The following LOXL1 variants were observed in gnomAD, a reference collection of about 807,000 sequenced individuals.
LOXL1 encodes lysyl oxidase like 1.
Under a neutral mutation model 62.2 loss-of-function variants are expected in LOXL1, and 31 were observed. That is an observed-to-expected ratio of 0.50 (90% CI 0.37 to 0.67). LOXL1 has a LOEUF of 0.67. LOXL1 is among the 30% of genes least tolerant of loss of function. LOXL1 has a pLI of 0.00. For missense variants in LOXL1, 775 were observed against 843.4 expected (o/e 0.92, Z 1.00); for synonymous variants, 403 against 384.4 (o/e 1.05, Z -0.56).
At chr15:73,943,172 T>C (rs1275018738) in intron 2 of LOXL1, among the ~76,000 whole-genome samples, 1 of 152,162 alleles carries the variant, frequency 6.6e-6, no homozygotes, top group Non-Finnish European at 1.5e-5. Context: ...GGGCCCAGCA[T>C]TTCTGTATAC....
chr15:73,932,254 A>AT (rs1429742553), intron 1 of LOXL1, among the ~76,000 whole-genome samples: 1 of 152,136 alleles, frequency 6.6e-6, no homozygotes, highest in Non-Finnish European at 1.5e-5. Flanking sequence ...ATCTCCTTTA[A>AT]TTCCCAGGTC....
intron 2 of LOXL1, among the ~76,000 whole-genome samples, chr15:73,944,332 G>A (rs1035932189): frequency 1.3e-5 from 2 of 152,222 alleles, no homozygotes; most frequent in Admixed American, 1.3e-4. Context: ...CCGGACCTGC[G>A]CTCCCAGCTG....
chr15:73,946,184 A>C (rs982527043), intron 2 of LOXL1, among the ~76,000 whole-genome samples: 1 of 152,238 alleles, frequency 6.6e-6, no homozygotes. Flanking sequence ...TGGCGGCCAC[A>C]TGGTGGAGGC....
At chr15:73,934,758 T>TA (rs1021874633) in intron 1 of LOXL1, among the ~76,000 whole-genome samples, 44 of 152,096 alleles carry the variant, frequency 2.9e-4, no homozygotes, top group East Asian at 9.6e-4. Flanking sequence ...AATAAATATG[T>TA]AAAAAAAATA....
At chr15:73,946,321 G>C (rs750437691) in intron 2 of LOXL1, 96 bp from the exon 3 acceptor site, 5 of 842,372 alleles carry the variant, frequency 5.9e-6, no homozygotes, top group Admixed American at 2.0e-5. Flanking sequence ...TGCAGAACCA[G>C]TGGCCAAGGG....
At chr15:73,928,802 T>C (rs2068613403) in intron 1 of LOXL1, among the ~76,000 whole-genome samples, 1 of 151,956 alleles carries the variant, frequency 6.6e-6, no homozygotes, top group Non-Finnish European at 1.5e-5. Flanking sequence ...TAAAAACTAT[T>C]GTGTTAAATA....
chr15:73,938,595 T>C (rs1428526688), intron 1 of LOXL1, among the ~76,000 whole-genome samples: 1 of 152,064 alleles, frequency 6.6e-6, no homozygotes, highest in Admixed American at 6.5e-5. Flanking sequence ...CCTGTGGTCC[T>C]AGCTACTTGG....
chr15:73,949,357 C>CTCTG (rs1185040035), intron 5 of LOXL1, 102 bp from the exon 6 acceptor site: 5 of 757,658 alleles, frequency 6.6e-6, no homozygotes, highest in Non-Finnish European at 1.2e-5. Context: ...TCTGTCACCT[C>CTCTG]TCTGTCTGTC....
intron 1 of LOXL1, among the ~76,000 whole-genome samples, chr15:73,936,048 G>T (rs911788435): frequency 1.3e-5 from 2 of 151,282 alleles, no homozygotes; most frequent in Non-Finnish European, 2.9e-5. Flanking sequence ...AAAGGTTGGG[G>T]TATGCTGCCA....
At position 73,926,866 on chromosome 15, in the gene LOXL1, C is replaced by G. The variant is rs2068581978; in HGVS notation, c.83C>G (p.Ala28Gly). The G allele has an allele frequency of 3.2e-6, 5 of 1,550,400 alleles. No homozygotes were observed. The highest frequency in any genetic ancestry group is 3.5e-6 in the Non-Finnish European group (4 of 1,147,366). The change falls in exon 1 of 7, where the codon GCG (alanine) becomes GGG (glycine). Residue 28 changes from alanine (A) to glycine (G), a missense_variant. Physicochemically the swap from Ala to Gly is moderately conservative, Grantham distance 60. Coordinates refer to ENST00000261921, the MANE Select transcript of LOXL1 (RefSeq NM_005576.4). Reference protein sequence around the residue: ...CLCVLVHGQQAQPGQGSDPAR... With the variant: ...CLCVLVHGQQGQPGQGSDPAR... ...TGCGTGCTGGTGCACGGGCAGCAGG[C>G]GCAGCCCGGGCAGGGCTCGGACCCC...
In LOXL1 at chr15:73,931,536, G is replaced by A. The variant is rs116587035; in HGVS notation, c.1102+3651G>A. Among the ~76,000 whole-genome samples the A allele has an allele frequency of 3.6e-3, 550 of 152,218 alleles. 1 individual carries two copies. Among genetic ancestry groups the A allele is most frequent in the African/African-American group, 0.012 (514 of 41,520 alleles). On this transcript the variant is annotated intron_variant, in intron 1 of 6. Transcript: ENST00000261921. ...TTCCTCCTTTTCTCAAGCCTCCACA[G>A]CCCCCATGGGACCATGCTGCTCGTG...
At chr15:73,935,646 G>T (rs545089232) in intron 1 of LOXL1, among the ~76,000 whole-genome samples, 102 of 152,296 alleles carry the variant, frequency 6.7e-4, no homozygotes, top group African/African-American at 2.3e-3. Context: ...CATTAGGTGT[G>T]CAGAGAGGCA....
At chr15:73,943,506 G>A (rs28758267) in intron 2 of LOXL1, among the ~76,000 whole-genome samples, 29,114 of 152,076 alleles carry the variant, frequency 0.19, 2,993 homozygotes, top group East Asian at 0.34. Flanking sequence ...GAGCCCGGGG[G>A]ACAAAGAAGT....
chr15:73,926,888 C>A lies in LOXL1; in HGVS notation c.105C>A (p.Asp35Glu). Residue 35 changes from aspartate (D) to glutamate (E), a missense_variant, in exon 1 of 7, where the codon GAC becomes GAA. By Grantham distance (45) the Asp-to-Glu change is conservative. Coordinates refer to ENST00000261921, the MANE Select transcript of LOXL1 (RefSeq NM_005576.4). ...AGGCGCAGCCCGGGCAGGGCTCGGA[C>A]CCCGCCCGCTGGCGGCAGCTGATCC... ...GQQAQPGQGS[D>E]PARWRQLIQW... 6.4e-7 allele frequency: 1 copy of A among 1,562,028 alleles called. No individual in the cohort carries two copies. Among genetic ancestry groups the A allele is most frequent in the South Asian group, 1.2e-5 (1 of 84,968 alleles).
At chr15:73,944,423 G>A (rs933567408) in intron 2 of LOXL1, among the ~76,000 whole-genome samples, 2 of 152,202 alleles carry the variant, frequency 1.3e-5, no homozygotes, top group African/African-American at 4.8e-5. Flanking sequence ...GTACCCCAGT[G>A]ACAGAACCAA....
intron 1 of LOXL1, among the ~76,000 whole-genome samples, chr15:73,941,037 C>T (rs183080379): frequency 2.6e-5 from 4 of 152,186 alleles, no homozygotes; most frequent in Non-Finnish European, 4.4e-5. Context: ...CCACCCTATA[C>T]GCAGCTGAGG....
intron 1 of LOXL1, among the ~76,000 whole-genome samples, chr15:73,935,934 G>GTGTGTGT (rs143682434): frequency 7.6e-6 from 1 of 131,838 alleles, no homozygotes; most frequent in Non-Finnish European, 1.6e-5. Flanking sequence ...AGGTAGAGCT[G>GTGTGTGT]GTGTGTGTGT....
chr15:73,947,512 A>G lies in LOXL1; in HGVS notation c.1506+289A>G, dbSNP rs533933477. Reference sequence around the variant, plus strand: ...CCTATTGGCCTGTTCACCCACCCATATCCCTCTTTCCATCAGCCACCCTAA... The same window carrying G: ...CCTATTGGCCTGTTCACCCACCCATGTCCCTCTTTCCATCAGCCACCCTAA... On this transcript the variant is annotated intron_variant, in intron 4 of 6. Transcript: ENST00000261921. 1.8e-5 allele frequency: 9 copies of G among 493,624 alleles called. No individual in the cohort carries two copies. The Admixed American group carries it at 3.3e-4, about 18-fold the overall frequency. 30.6% of individuals were successfully genotyped at this position (493,624 alleles called of 1,614,324 possible). A position where few individuals can be genotyped will look rare whatever the true frequency, so the allele number is the denominator to read the frequency against.
In LOXL1 at chr15:73,930,600, G is replaced by A. The variant is rs971231371; in HGVS notation, c.1102+2715G>A. Among the ~76,000 whole-genome samples the A allele has an allele frequency of 6.6e-6, 1 of 152,176 alleles. No individual in the cohort carries two copies. Among genetic ancestry groups the A allele is most frequent in the Admixed American group, 6.5e-5 (1 of 15,284 alleles). ...ATTCCTCCTGGCCACACACCCAGGG[G>A]TCTGAGGCTGGGCGCTGGCAGCCTG... On this transcript the variant is annotated intron_variant, in intron 1 of 6. Transcript: ENST00000261921. This position sits in a 1 kb window ranked among gnomAD's most constrained non-coding sequence, Gnocchi z 4.7.
Sources: gnomAD v4.1 joint callset for allele counts (sites outside exome capture counted in the v4.1 genomes callset) on GRCh38, gnomAD v4.1.1 for gene constraint, Gnocchi (gnomAD v3.1) non-coding constraint, MANE v1.5 for transcripts, NCBI Gene and HGNC (gene_info 2026-07-23, HGNC 2026-07-21) for gene names.